TENM2: variants seen among roughly 807,000 people sequenced by gnomAD.
The protein encoded by TENM2 is teneurin-2.
In TENM2, 52 loss-of-function variants were observed where a neutral mutation model predicts 245.2. The observed-to-expected ratio is 0.21, with a 90% confidence interval of 0.17 to 0.27. TENM2 has a LOEUF of 0.27. Among genes scored for constraint, TENM2 ranks in the 10% least tolerant of loss-of-function variants. TENM2 has a pLI of 1.00. For synonymous variants in TENM2, 1,363 were observed against 1,438.9 expected, an observed-to-expected ratio of 0.95 and a Z score of 1.19; for missense variants, 3,046 against 3,666.8, an observed-to-expected ratio of 0.83 and a Z score of 4.37.
the TENM2 span, among the ~76,000 whole-genome samples, chr5:167,179,070 A>G: frequency 6.6e-6 from 1 of 152,166 alleles, no homozygotes. Context: ...GATGATTTAT[A>G]AGCTGTTATA....
At chr5:168,073,378 G>GA (rs1791190505) in intron 7 of TENM2, among the ~76,000 whole-genome samples, 1 of 152,188 alleles carries the variant, frequency 6.6e-6, no homozygotes, top group East Asian at 1.9e-4. Context: ...CAGGCAAGGA[G>GA]AAAGACAAGA....
At chr5:167,086,944 C>A in the TENM2 span, among the ~76,000 whole-genome samples, 1 of 151,642 alleles carries the variant, frequency 6.6e-6, no homozygotes, top group South Asian at 2.1e-4. Flanking sequence ...CACACACACA[C>A]ACACACACAC....
At chr5:167,318,560 G>A (rs1395980657) in intron 1 of TENM2, among the ~76,000 whole-genome samples, 2 of 152,072 alleles carry the variant, frequency 1.3e-5, no homozygotes, top group Non-Finnish European at 2.9e-5. Context: ...TAGAGTTAGA[G>A]TAAATACAAG....
chr5:167,111,865 C>A, the TENM2 span, among the ~76,000 whole-genome samples: 1 of 152,148 alleles, frequency 6.6e-6, no homozygotes, highest in Non-Finnish European at 1.5e-5. Flanking sequence ...TCATTCCGTC[C>A]TATTATGCCT....
At chr5:167,952,924 C>T (rs961477196) in intron 4 of TENM2, 102 bp downstream of exon 6, 24 of 940,992 alleles carry the variant, frequency 2.6e-5, no homozygotes, top group Middle Eastern at 5.8e-4. Context: ...CGGAGAGACC[C>T]TCTGGGTATA....
chr5:167,295,439 G>A (rs770127041), intron 1 of TENM2, among the ~76,000 whole-genome samples: 10 of 152,146 alleles, frequency 6.6e-5, no homozygotes, highest in Non-Finnish European at 1.2e-4. Flanking sequence ...GGAGGGCTTT[G>A]GTGCATATGT....
intron 2 of TENM2, among the ~76,000 whole-genome samples, chr5:167,569,056 A>C (rs1230813554): frequency 1.4e-5 from 2 of 142,876 alleles, no homozygotes; most frequent in Non-Finnish European, 3.0e-5. Context: ...GACCGAAATC[A>C]ATGAGTATCA....
intron 2 of TENM2, among the ~76,000 whole-genome samples, chr5:167,872,935 G>C (rs1013132585): frequency 6.6e-6 from 1 of 152,246 alleles, no homozygotes; most frequent in Non-Finnish European, 1.5e-5. Flanking sequence ...TTGAACTTCA[G>C]TTCCACCTCA....
At chr5:167,054,995 G>A in the TENM2 span, among the ~76,000 whole-genome samples, 1 of 151,902 alleles carries the variant, frequency 6.6e-6, no homozygotes, top group Non-Finnish European at 1.5e-5. Context: ...TCATTTTCTT[G>A]ACATTGACTT....
intron 1 of TENM2, among the ~76,000 whole-genome samples, chr5:167,341,299 ATTCTCT>A (rs1036620398): frequency 5.9e-5 from 9 of 152,202 alleles, no homozygotes; most frequent in African/African-American, 2.2e-4. Context: ...CTAAAGATAA[ATTCTCT>A]TTCTTTTCTT....
chr5:167,995,073 G>A (rs926764273), intron 5 of TENM2, among the ~76,000 whole-genome samples: 10 of 152,160 alleles, frequency 6.6e-5, no homozygotes, highest in African/African-American at 1.7e-4. Context: ...TGAGCACCAC[G>A]GGGCCAGTGA....
At chr5:167,180,819 T>A in the TENM2 span, among the ~76,000 whole-genome samples, 1 of 152,028 alleles carries the variant, frequency 6.6e-6, no homozygotes, top group Non-Finnish European at 1.5e-5. Flanking sequence ...CCTGGTCATC[T>A]TCAAGCCTAG....
chr5:167,177,846 A>G, the TENM2 span, among the ~76,000 whole-genome samples: 5 of 152,330 alleles, frequency 3.3e-5, no homozygotes, highest in Non-Finnish European at 7.4e-5. Flanking sequence ...CTGTTTAATT[A>G]AATGAAAGCC....
intron 12 of TENM2, among the ~76,000 whole-genome samples, chr5:168,127,765 G>A (rs974796250): frequency 2.3e-4 from 35 of 152,150 alleles, no homozygotes; most frequent in African/African-American, 8.0e-4. Context: ...TTTTACCTCC[G>A]GTTTTTACTT....
At chr5:167,492,192 T>C (rs1319191683) in intron 2 of TENM2, among the ~76,000 whole-genome samples, 2 of 152,144 alleles carry the variant, frequency 1.3e-5, no homozygotes, top group African/African-American at 2.4e-5. Context: ...TGTCTGTTTT[T>C]ATAGAGGTAC....
intron 2 of TENM2, among the ~76,000 whole-genome samples, chr5:167,643,115 G>A (rs1257211233): frequency 2.0e-5 from 3 of 152,110 alleles, no homozygotes; most frequent in Non-Finnish European, 2.9e-5. Context: ...GTTTTATAGA[G>A]GTATATTTTG....
intron 13 of TENM2, among the ~76,000 whole-genome samples, chr5:168,171,465 T>C (rs892981566): frequency 5.9e-5 from 9 of 152,316 alleles, no homozygotes; most frequent in Middle Eastern, 3.4e-3. Flanking sequence ...TTCAAACAAG[T>C]ACAGAATGTG....
chr5:168,128,532 T>G (rs189127938), intron 12 of TENM2, among the ~76,000 whole-genome samples: 15 of 152,268 alleles, frequency 9.9e-5, no homozygotes, highest in African/African-American at 3.1e-4. Context: ...TCCCCTTTGC[T>G]CCCCCTTCCC....
upstream of TENM2, among the ~76,000 whole-genome samples, chr5:167,281,734 C>T (rs937183311): frequency 2.0e-5 from 3 of 152,274 alleles, no homozygotes; most frequent in South Asian, 6.2e-4. Flanking sequence ...CACAGTGGCT[C>T]ACGCCTGTAA....
Sources: allele counts gnomAD v4.1 joint callset (sites outside exome capture counted in the v4.1 genomes callset), GRCh38; gene constraint gnomAD v4.1.1; transcripts MANE v1.5; gene names NCBI Gene and HGNC (gene_info 2026-07-23, HGNC 2026-07-21).